The following VSTM4 variants were observed in gnomAD, a reference collection of about 807,000 sequenced individuals.
VSTM4 encodes V-set and transmembrane domain containing 4, also known as V-set and transmembrane domain-containing protein 4.
Under a neutral mutation model 36.4 loss-of-function variants are expected in VSTM4, and 20 were observed. The observed-to-expected ratio is 0.55, with a 90% CI of 0.39 to 0.80. The LOEUF (loss-of-function observed/expected upper bound fraction) is 0.80, where lower values mean the gene tolerates loss of function less well. VSTM4 is among the 30% of genes least tolerant of loss of function. The pLI is 0.00. For synonymous variants in VSTM4, 182 were observed against 173.9 expected (o/e 1.05, Z -0.37); for missense variants, 392 against 404.5 (o/e 0.97, Z 0.26).
intron 5 of VSTM4, among the ~76,000 whole-genome samples, chr10:49,053,405 G>A (rs1590089328): frequency 6.6e-6 from 1 of 152,338 alleles, no homozygotes; most frequent in East Asian, 1.9e-4. Context: ...AACAGGTGCT[G>A]AACAGGGGTC....
intron 5 of VSTM4, among the ~76,000 whole-genome samples, chr10:49,060,033 C>T (rs1843847767): frequency 6.6e-6 from 1 of 152,188 alleles, no homozygotes; most frequent in African/African-American, 2.4e-5. Flanking sequence ...TTGGTCCATA[C>T]CCAGTGTGTT....
At chr10:49,020,728 G>GAAGA (rs58754231) in intron 7 of VSTM4, among the ~76,000 whole-genome samples, 1 of 1,510 alleles carries the variant, frequency 6.6e-4, no homozygotes, top group Non-Finnish European at 0.013. Flanking sequence ...AAGGAAAGAA[G>GAAGA]AAGGAAGGAA....
chr10:49,083,490 A>G (rs1488848308), intron 3 of VSTM4, among the ~76,000 whole-genome samples: 1 of 152,238 alleles, frequency 6.6e-6, no homozygotes, highest in South Asian at 2.1e-4. Flanking sequence ...GCTGGGTTAA[A>G]AAAGCAAAGC....
At chr10:49,076,688 G>A (rs1844185058) in intron 4 of VSTM4, among the ~76,000 whole-genome samples, 1 of 152,208 alleles carries the variant, frequency 6.6e-6, no homozygotes, top group African/African-American at 2.4e-5. Context: ...GCAGGAAGGG[G>A]CTGAAGGCAG....
At chr10:49,103,761 G>A (rs866372591) in intron 2 of VSTM4, 2 of 1,614,032 alleles carry the variant, frequency 1.2e-6, no homozygotes, top group Admixed American at 1.7e-5. Context: ...CTGCAGGAAG[G>A]AGGCCATGGT....
chr10:49,055,415 C>T (rs1843762808), intron 5 of VSTM4, among the ~76,000 whole-genome samples: 1 of 152,202 alleles, frequency 6.6e-6, no homozygotes, highest in Non-Finnish European at 1.5e-5. Context: ...AGCACACTCG[C>T]CACCCCATAA....
chr10:49,104,168 G>A (rs1323798714), intron 2 of VSTM4, among the ~76,000 whole-genome samples: 3 of 152,070 alleles, frequency 2.0e-5, no homozygotes, highest in Admixed American at 6.5e-5. Context: ...GTGTGGTGGC[G>A]CATAGCTGTA....
At chr10:49,103,296 A>G (rs35086974) in intron 2 of VSTM4, 20,575 of 157,940 alleles carry the variant, frequency 0.13, 1,580 homozygotes, top group South Asian at 0.24. Flanking sequence ...ACAAGGGAAA[A>G]TGTGCACACT....
At chr10:49,097,191 G>T (rs1590128703) in intron 2 of VSTM4, among the ~76,000 whole-genome samples, 1 of 152,190 alleles carries the variant, frequency 6.6e-6, no homozygotes, top group East Asian at 1.9e-4. Context: ...CTTTCACCAG[G>T]AGCCCCTTGG....
intron 3 of VSTM4, among the ~76,000 whole-genome samples, chr10:49,085,559 T>C (rs1009639676): frequency 1.3e-5 from 2 of 152,154 alleles, no homozygotes; most frequent in African/African-American, 4.8e-5. Context: ...CAAACAAAAA[T>C]TATGTGGACT....
intron 5 of VSTM4, among the ~76,000 whole-genome samples, chr10:49,059,802 C>T (rs1328639444): frequency 6.6e-6 from 1 of 152,206 alleles, no homozygotes; most frequent in Non-Finnish European, 1.5e-5. Context: ...TCATGCATCA[C>T]TACAATACAG....
chr10:49,033,827 G>A (rs1843383030), intron 7 of VSTM4, among the ~76,000 whole-genome samples: 1 of 152,112 alleles, frequency 6.6e-6, no homozygotes, highest in African/African-American at 2.4e-5. Context: ...GTAAGCACTG[G>A]AACAGTGTCT....
chr10:49,053,226 G>A (rs142217079), intron 5 of VSTM4, among the ~76,000 whole-genome samples: 7 of 152,318 alleles, frequency 4.6e-5, no homozygotes, highest in African/African-American at 1.4e-4. Context: ...AGCTCATTGT[G>A]GAGCAAGGCT....
At chr10:49,085,539 C>G (rs1375244497) in intron 3 of VSTM4, among the ~76,000 whole-genome samples, 1 of 152,118 alleles carries the variant, frequency 6.6e-6, no homozygotes, top group East Asian at 1.9e-4. Flanking sequence ...AATTCTGGAG[C>G]AAAACAAAAC....
intron 1 of VSTM4, among the ~76,000 whole-genome samples, chr10:49,111,563 T>C (rs1428943193): frequency 6.6e-6 from 1 of 152,214 alleles, no homozygotes; most frequent in Non-Finnish European, 1.5e-5. Flanking sequence ...TAGGAAGGAT[T>C]GCCAAAGTCA....
At chr10:49,070,880 C>T (rs946989182) in intron 4 of VSTM4, among the ~76,000 whole-genome samples, 1 of 152,196 alleles carries the variant, frequency 6.6e-6, no homozygotes, top group Non-Finnish European at 1.5e-5. Flanking sequence ...GTCCTTCCTC[C>T]TCTCAAAGGC....
intron 7 of VSTM4, among the ~76,000 whole-genome samples, chr10:49,033,978 C>T (rs550310243): frequency 2.1e-4 from 32 of 152,136 alleles, no homozygotes; most frequent in African/African-American, 7.5e-4. Context: ...CCATAATCAC[C>T]ATCATCATCA....
chr10:49,103,513 A>G, intron 2 of VSTM4: 1 of 1,267,740 alleles, frequency 7.9e-7, no homozygotes, highest in Non-Finnish European at 9.9e-7. Flanking sequence ...ATATTACACT[A>G]TATTACTTTT....
rs969161189 is a variant in VSTM4 at position 49,112,969 on chromosome 10, C to T, written c.55+2462G>A. Among the ~76,000 whole-genome samples, 26 of 152,118 alleles carry T rather than the reference C, an allele frequency of 1.7e-4. 1 individual carries two copies. The highest frequency in any genetic ancestry group is 6.3e-4 in the African/African-American group (26 of 41,434). ...TTGTGAAGTGGGAGATGGCCACTTC[C>T]AGGTGAGGGAGTAAGGACAACTAAC... On this transcript the variant is annotated intron_variant, in intron 1 of 7. Transcript: ENST00000332853.
Sources: allele counts gnomAD v4.1 joint callset (sites outside exome capture counted in the v4.1 genomes callset), GRCh38; gene constraint gnomAD v4.1.1; transcripts MANE v1.5; gene names NCBI Gene and HGNC (gene_info 2026-07-23, HGNC 2026-07-21).